XYLT2: variants seen among roughly 807,000 people sequenced by gnomAD.
The protein encoded by XYLT2 is UDP-D-xylose:proteoglycan core protein beta-D-xylosyltransferase.
XYLT2 carries 37 observed loss-of-function variants against 82.6 expected under a neutral mutation model. The observed-to-expected ratio is 0.45, with a 90% CI of 0.34 to 0.59. The LOEUF (loss-of-function observed/expected upper bound fraction) is 0.59. Ranked by LOEUF, XYLT2 falls within the 20% of genes least tolerant of loss-of-function variation. The pLI, the probability that XYLT2 is intolerant of heterozygous loss-of-function variation, is 0.01. For missense variants in XYLT2, 934 were observed against 1,181.3 expected, an observed-to-expected ratio of 0.79 and a Z score of 3.07; for synonymous variants, 474 against 499.0, an observed-to-expected ratio of 0.95 and a Z score of 0.67.
intron 7 of XYLT2, 44 bp downstream of exon 7, chr17:50,356,305 C>T: frequency 6.3e-7 from 1 of 1,596,208 alleles, no homozygotes; most frequent in Non-Finnish European, 8.6e-7. Context: ...GTCTTCTCCC[C>T]TGGCTTTTCA....
At chr17:50,352,273 G>C (rs1912305753) in intron 1 of XYLT2, among the ~76,000 whole-genome samples, 1 of 152,202 alleles carries the variant, frequency 6.6e-6, no homozygotes, top group Admixed American at 6.5e-5. Flanking sequence ...CTGGTGAGTT[G>C]GCAGAGCTAG....
In XYLT2 at chr17:50,346,892, C is replaced by T. The variant is rs1912066042; in HGVS notation, c.135+617C>T. ...TTCCTCAGCCGGGGGTTTGAAGAAC[C>T]TGGATGGGTCTCCGGAGGGCAGGGA... On this transcript the variant is annotated intron_variant, in intron 1 of 10. Transcript: ENST00000017003. The surrounding 1 kb of genome is among the most constrained non-coding windows in gnomAD (Gnocchi z 5.1). 1.0e-6 allele frequency: 1 copy of T among 985,360 alleles called. No homozygotes were observed. Among genetic ancestry groups the T allele is most frequent in the Non-Finnish European group, 1.2e-6 (1 of 829,908 alleles). The allele number at this position is 985,360 out of a possible 1,614,324, so 61.0% of individuals were successfully genotyped here.
chr17:50,360,265 G>C lies in XYLT2; in HGVS notation c.2572G>C (p.Val858Leu). Reference sequence around the variant, plus strand: ...CGACCCCAAATCAGAGCTGGGGCCTGTCAAAGCAGACGGGCGACTCAGGTA... The same window carrying C: ...CGACCCCAAATCAGAGCTGGGGCCTCTCAAAGCAGACGGGCGACTCAGGTA... Reference protein sequence around the residue: ...SPDPKSELGPVKADGRLR With the variant: ...SPDPKSELGPLKADGRLR The change falls in exon 11 of 11, where the codon GTC (valine) becomes CTC (leucine). Residue 858 changes from valine (V) to leucine (L), a missense_variant. Transcript: ENST00000017003. 1 of 1,604,392 alleles carries C rather than the reference G, an allele frequency of 6.2e-7. No individual in the cohort carries two copies. The highest frequency in any genetic ancestry group is 8.5e-7 in the Non-Finnish European group (1 of 1,173,630).
In XYLT2 at chr17:50,355,831, A is replaced by C; in HGVS notation, c.1139A>C (p.His380Pro). 6.2e-7 allele frequency: 1 copy of C among 1,614,226 alleles called. No individual in the cohort carries two copies. Among genetic ancestry groups the C allele is most frequent in the Non-Finnish European group, 8.5e-7 (1 of 1,180,032 alleles). ...LDRLFHECDS[H>P]MWRLGERQIP... ...CGGCTCTTCCATGAGTGCGACTCAC[A>C]CATGTGGCGCCTGGGCGAGCGGCAG... The change falls in exon 6 of 11, where the codon CAC (histidine) becomes CCC (proline). Residue 380 changes from histidine to proline, a missense_variant. This residue lies in a region of XYLT2 where 189 missense variants were observed against 320.8 expected (regional missense o/e 0.59). Transcript: ENST00000017003.
chr17:50,356,342 A>C lies in XYLT2; in HGVS notation c.1482+81A>C, dbSNP rs9896892. On this transcript the variant is annotated intron_variant, in intron 7 of 10. Coordinates refer to ENST00000017003, the MANE Select transcript of XYLT2 (RefSeq NM_022167.4). ...CAGGAAAATGGCAGGGTGGGCCAGT[A>C]AGAGAATCTGGGGGGCCACGGCCTG... 35,390 of 1,570,348 alleles carry C rather than the reference A, an allele frequency of 0.023. 1,896 individuals carry two copies. Among genetic ancestry groups the C allele is most frequent in the African/African-American group, 0.21 (15,399 of 73,964 alleles).
chr17:50,346,356 G>T lies in XYLT2; in HGVS notation c.135+81G>T. On this transcript the variant is annotated intron_variant, in intron 1 of 10. Coordinates refer to ENST00000017003, the MANE Select transcript of XYLT2 (RefSeq NM_022167.4). The surrounding 1 kb of genome is among the most constrained non-coding windows in gnomAD (Gnocchi z 5.1). ...GGCGGGGCTGCGGGCGGCCCCAGCC[G>T]GGGAAGTGGGGCACGGGCCGCGTGC... 1.0e-6 allele frequency: 1 copy of T among 991,654 alleles called. No individual in the cohort carries two copies. Among genetic ancestry groups the T allele is most frequent in the Non-Finnish European group, 1.2e-6 (1 of 834,554 alleles). 61.4% of individuals were successfully genotyped at this position (991,654 alleles called of 1,614,324 possible). A position where few individuals can be genotyped will look rare whatever the true frequency, so the allele number is the denominator to read the frequency against.
At chr17:50,356,037 G>A (rs751817942) in intron 6 of XYLT2, 40 bp downstream of exon 6, 3 of 1,613,982 alleles carry the variant, frequency 1.9e-6, no homozygotes, top group African/African-American at 2.7e-5. Flanking sequence ...GGAGGGCGTG[G>A]GTTGGGCTGC....
rs1443822349 is a variant in XYLT2 at position 50,346,328 on chromosome 17, C to G, written c.135+53C>G. The G allele has an allele frequency of 9.9e-7, 1 of 1,011,708 alleles. No homozygotes were observed. Among genetic ancestry groups the G allele is most frequent in the African/African-American group, 1.7e-5 (1 of 57,330 alleles). The allele number at this position is 1,011,708 out of a possible 1,614,324, so 62.7% of individuals were successfully genotyped here. The stretch of plus-strand genomic sequence containing the variant: ...GGCCGGGCGCGGGGGCGCGCGGGGT[C>G]CTGGCGGGGCTGCGGGCGGCCCCAG... On this transcript the variant is annotated intron_variant, in intron 1 of 10. Transcript: ENST00000017003. The surrounding 1 kb of genome is among the most constrained non-coding windows in gnomAD (Gnocchi z 5.1).
intron 1 of XYLT2, among the ~76,000 whole-genome samples, chr17:50,347,664 C>T (rs1482077831): frequency 6.6e-6 from 1 of 152,244 alleles, no homozygotes; most frequent in African/African-American, 2.4e-5. Flanking sequence ...GCCCCCATCC[C>T]CCACCACCTC....
chr17:50,357,002 C>T (rs1912569687), intron 8 of XYLT2, 55 bp from the exon 9 acceptor site: 2 of 1,537,488 alleles, frequency 1.3e-6, no homozygotes, highest in Non-Finnish European at 1.8e-6. Context: ...CCTGGGACTC[C>T]AGGCCAAGTC....
In XYLT2 at chr17:50,346,585, C is replaced by A; in HGVS notation, c.135+310C>A. ...AGCGATGAAGGTCAGGCGCGGCGAGCGGGGCTGGGAGGCGGGGCTGGGCCC... is the reference window on the plus strand; with the variant it reads ...AGCGATGAAGGTCAGGCGCGGCGAGAGGGGCTGGGAGGCGGGGCTGGGCCC... On this transcript the variant is annotated intron_variant, in intron 1 of 10. Transcript: ENST00000017003. This position sits in a 1 kb window ranked among gnomAD's most constrained non-coding sequence, Gnocchi z 5.1. 1 of 982,198 alleles carries A rather than the reference C, an allele frequency of 1.0e-6. No homozygotes were observed. The highest frequency in any genetic ancestry group is 1.2e-6 in the Non-Finnish European group (1 of 827,090). The allele number at this position is 982,198 out of a possible 1,614,324, so 60.8% of individuals were successfully genotyped here. A position where few individuals can be genotyped will look rare whatever the true frequency, so the allele number is the denominator to read the frequency against.
Position 50,354,465 on chromosome 17 carries a change from G to GC in XYLT2, c.692dup (p.Val232GlyfsTer54), listed in dbSNP as rs797044806. ...AGCCAAGCCCAGCAGCCCATGGATG[G>GC]CCCCCCGGTGCGAATCGCCTACATG... On this transcript the variant is annotated frameshift_variant, in exon 3 of 11. Coordinates refer to ENST00000017003, the MANE Select transcript of XYLT2 (RefSeq NM_022167.4). LOFTEE classifies it high-confidence loss of function. 8.7e-6 allele frequency: 14 copies of GC among 1,612,028 alleles called. No individual in the cohort carries two copies. The highest frequency in any genetic ancestry group is 1.3e-5 in the African/African-American group (1 of 74,888).
chr17:50,358,993 CT>C (rs775374364), intron 10 of XYLT2: 2 of 164,640 alleles, frequency 1.2e-5, no homozygotes, highest in Non-Finnish European at 2.7e-5. Context: ...ACCAGAGGTG[CT>C]TTCTCCATCT....
At chr17:50,354,826 GGCT>G in intron 3 of XYLT2, 25 bp from the exon 4 acceptor site, 1 of 1,611,228 alleles carries the variant, frequency 6.2e-7, no homozygotes, top group Non-Finnish European at 8.5e-7. Context: ...TAACACTGGA[GGCT>G]AGCTGAGTGT....
intron 1 of XYLT2, among the ~76,000 whole-genome samples, chr17:50,352,718 G>A (rs537517391): frequency 9.8e-5 from 15 of 152,306 alleles, no homozygotes; most frequent in African/African-American, 1.4e-4. Context: ...CGGTAGAGGC[G>A]CCCCGCTGCA....
At chr17:50,350,375 G>A (rs1912211164) in intron 1 of XYLT2, among the ~76,000 whole-genome samples, 1 of 107,382 alleles carries the variant, frequency 9.3e-6, no homozygotes, top group African/African-American at 3.2e-5. Flanking sequence ...AGACCAGCCT[G>A]GCCAACATGG....
In XYLT2 at chr17:50,360,297, C is replaced by A. The variant is rs748970728; in HGVS notation, c.*6C>A. On this transcript the variant is annotated 3_prime_UTR_variant, in exon 11 of 11. Coordinates refer to ENST00000017003, the MANE Select transcript of XYLT2 (RefSeq NM_022167.4). The stretch of plus-strand genomic sequence containing the variant: ...CAGACGGGCGACTCAGGTAGCAGGG[C>A]CCCAGCCAGTACCCGTGGAGGACCC... 1.1e-5 allele frequency: 17 copies of A among 1,580,560 alleles called. No homozygotes were observed. The highest frequency in any genetic ancestry group is 1.3e-5 in the Non-Finnish European group (15 of 1,161,186).
intron 9 of XYLT2, chr17:50,357,973 A>T: frequency 1.8e-6 from 1 of 551,542 alleles, no homozygotes; most frequent in Non-Finnish European, 3.2e-6. Context: ...ATTGTCCCCA[A>T]TAAGGGGGAC....
At position 50,356,569 on chromosome 17, in the gene XYLT2, T is replaced by C; in HGVS notation, c.1541T>C (p.Val514Ala). Reference protein sequence around the residue: ...RKFESTVNQEVLEILDFHLYG... With the variant: ...RKFESTVNQEALEILDFHLYG... ...TTCGAGTCGACTGTGAACCAGGAGGTGCTGGAAATCCTGGACTTCCACCTG... is the reference window on the plus strand; with the variant it reads ...TTCGAGTCGACTGTGAACCAGGAGGCGCTGGAAATCCTGGACTTCCACCTG... The change falls in exon 8 of 11, where the codon GTG (valine) becomes GCG (alanine). Residue 514 changes from valine to alanine, a missense_variant. Physicochemically the swap from Val to Ala is moderately conservative, Grantham distance 64 (BLOSUM62 0). Transcript: ENST00000017003. The C allele has an allele frequency of 1.2e-6, 2 of 1,614,036 alleles. No individual in the cohort carries two copies. The highest frequency in any genetic ancestry group is 1.7e-6 in the Non-Finnish European group (2 of 1,180,002).
Sources: gnomAD v4.1 joint callset for allele counts (sites outside exome capture counted in the v4.1 genomes callset) on GRCh38, gnomAD v4.1.1 for gene constraint, gnomAD v4.1.1 regional missense constraint, Gnocchi (gnomAD v3.1) non-coding constraint, MANE v1.5 for transcripts, NCBI Gene and HGNC (gene_info 2026-07-23, HGNC 2026-07-21) for gene names.